The following ADAMTSL3 variants were observed in gnomAD, a reference collection of about 807,000 sequenced individuals.
The protein encoded by ADAMTSL3 is ADAMTS-like protein 3.
ADAMTSL3 carries 128 observed loss-of-function variants against 201.7 expected under a neutral mutation model. The observed-to-expected ratio is 0.63, with a 90% CI of 0.55 to 0.73. The LOEUF is 0.73. Among genes scored for constraint, ADAMTSL3 ranks in the 30% least tolerant of loss-of-function variants. ADAMTSL3 has a pLI of 0.00. For missense variants in ADAMTSL3, 1,990 were observed against 2,119.6 expected (o/e 0.94, Z 1.20); for synonymous variants, 738 against 748.4 (o/e 0.99, Z 0.23).
In ADAMTSL3 at chr15:83,870,898, G is replaced by C; in HGVS notation, c.899G>C (p.Arg300Thr). ...LVENTTVEFQ[R>T]GSERQTFKIP... is the part of the protein sequence containing the mutation. The stretch of plus-strand genomic sequence containing the variant: ...GAAAACACAACAGTGGAATTTCAGA[G>C]GGGCTCCGAGAGGCAAACTTTTAAG... The change falls in exon 9 of 30, where the codon AGG becomes ACG. Residue 300 changes from arginine to threonine, a missense_variant. By Grantham distance (71) the Arg-to-Thr change is moderately conservative (BLOSUM62 -1). Transcript: ENST00000286744. 3.1e-6 allele frequency: 5 copies of C among 1,613,472 alleles called. No homozygotes were observed. Among genetic ancestry groups the C allele is most frequent in the Non-Finnish European group, 4.2e-6 (5 of 1,179,772 alleles).
intron 1 of ADAMTSL3, 62 bp from the exon 2 acceptor site, chr15:83,655,667 G>T: frequency 1.6e-6 from 2 of 1,271,066 alleles, no homozygotes; most frequent in Non-Finnish European, 2.2e-6. Context: ...GGTCGCTTAA[G>T]TCACGGTTTA....
intron 9 of ADAMTSL3, among the ~76,000 whole-genome samples, chr15:83,882,342 C>G (rs2065289801): frequency 6.6e-6 from 1 of 152,126 alleles, no homozygotes; most frequent in African/African-American, 2.4e-5. Context: ...GTTACCATAA[C>G]CCTGCCTCTC....
chr15:83,670,688 G>T (rs1445489370), intron 2 of ADAMTSL3, among the ~76,000 whole-genome samples: 3 of 152,118 alleles, frequency 2.0e-5, no homozygotes, highest in Admixed American at 6.5e-5. Flanking sequence ...TTCACAGTGT[G>T]AAAAAATACT....
chr15:84,033,969 TC>T (rs1221165855), intron 28 of ADAMTSL3, among the ~76,000 whole-genome samples: 2 of 152,082 alleles, frequency 1.3e-5, no homozygotes, highest in African/African-American at 4.8e-5. Context: ...GGAAGAAAAT[TC>T]CTAGAGCTGG....
rs754717477 is a variant in ADAMTSL3 at position 83,942,960 on chromosome 15, C to A, written c.2368C>A (p.Leu790Ile). 4 of 1,613,858 alleles carry A rather than the reference C, an allele frequency of 2.5e-6. No homozygotes were observed. The South Asian group carries it at 4.4e-5, about 18-fold the overall frequency. ...CAGAAGAGTCACCTGTCGGCAGCTG[C>A]TAACGGATGGCAGCTTTTTGAATCT... Reference protein sequence around the residue: ...QNRRVTCRQLLTDGSFLNLSD... With the variant: ...QNRRVTCRQLITDGSFLNLSD... The change falls in exon 19 of 30, where the codon CTA (leucine) becomes ATA (isoleucine). Residue 790 changes from leucine to isoleucine, a missense_variant. Transcript: ENST00000286744.
At chr15:83,931,990 T>C (rs1404644009) in intron 17 of ADAMTSL3, among the ~76,000 whole-genome samples, 2 of 152,078 alleles carry the variant, frequency 1.3e-5, no homozygotes, top group African/African-American at 4.8e-5. Flanking sequence ...TGAAAATAAA[T>C]CCCTACATAG....
At chr15:83,670,508 T>C (rs1305817599) in intron 2 of ADAMTSL3, among the ~76,000 whole-genome samples, 1 of 150,504 alleles carries the variant, frequency 6.6e-6, no homozygotes, top group Non-Finnish European at 1.5e-5. Context: ...CACACACACA[T>C]ATGCACACGT....
intron 9 of ADAMTSL3, among the ~76,000 whole-genome samples, chr15:83,882,446 TTCTC>T (rs1272381189): frequency 6.6e-6 from 1 of 152,204 alleles, no homozygotes; most frequent in East Asian, 1.9e-4. Context: ...CTTGTTTAGA[TTCTC>T]TCATAAGCTT....
chr15:84,019,697 G>A (rs1299641538), intron 25 of ADAMTSL3, among the ~76,000 whole-genome samples: 2 of 151,934 alleles, frequency 1.3e-5, no homozygotes, highest in Non-Finnish European at 2.9e-5. Flanking sequence ...TTCGAGACCA[G>A]CCTGGCCAAC....
chr15:83,990,020 G>A (rs928265214), intron 22 of ADAMTSL3, among the ~76,000 whole-genome samples: 4 of 152,160 alleles, frequency 2.6e-5, no homozygotes, highest in African/African-American at 9.7e-5. Flanking sequence ...GCAATTGATG[G>A]TCTTTAAATA....
intron 4 of ADAMTSL3, among the ~76,000 whole-genome samples, chr15:83,778,385 A>G (rs1882482496): frequency 6.6e-6 from 1 of 152,218 alleles, no homozygotes; most frequent in Non-Finnish European, 1.5e-5. Flanking sequence ...AGGTCAGGTC[A>G]CCTACAAAGG....
intron 13 of ADAMTSL3, 123 bp from the exon 14 acceptor site, chr15:83,897,735 T>G (rs2065645681): frequency 9.0e-7 from 1 of 1,112,326 alleles, no homozygotes; most frequent in Non-Finnish European, 1.2e-6. Flanking sequence ...ACATAATATT[T>G]GTCTAAAAGT....
Position 83,956,679 on chromosome 15 carries a change from G to GCACA in ADAMTSL3, c.2490+13616_2490+13619dup, listed in dbSNP as rs34711242. 8.8e-4 allele frequency among the ~76,000 whole-genome samples: 131 copies of GCACA among 148,854 alleles called. 2 individuals are homozygous for GCACA. Among genetic ancestry groups the GCACA allele is most frequent in the South Asian group, 4.7e-3 (22 of 4,676 alleles). ...TAAGTTACACACACACACCGCACAG[G>GCACA]CACACACACACACACACACACATAA... On this transcript the variant is annotated intron_variant, in intron 19 of 29. Coordinates refer to ENST00000286744, the MANE Select transcript of ADAMTSL3 (RefSeq NM_207517.3).
At chr15:83,793,608 C>T (rs2141832230) in intron 4 of ADAMTSL3, among the ~76,000 whole-genome samples, 1 of 152,168 alleles carries the variant, frequency 6.6e-6, no homozygotes, top group Admixed American at 6.5e-5. Context: ...TCCCGAGTAG[C>T]TGGGATTACA....
At chr15:83,752,957 G>A (rs2062661591) in intron 3 of ADAMTSL3, among the ~76,000 whole-genome samples, 1 of 152,196 alleles carries the variant, frequency 6.6e-6, no homozygotes, top group South Asian at 2.1e-4. Flanking sequence ...TGACTTCACA[G>A]GCTGAGGAGT....
At chr15:83,954,651 C>A (rs1235455686) in intron 19 of ADAMTSL3, among the ~76,000 whole-genome samples, 1 of 152,188 alleles carries the variant, frequency 6.6e-6, no homozygotes, top group Non-Finnish European at 1.5e-5. Flanking sequence ...GCCTGTCCTT[C>A]TTGGGAAGCC....
intron 4 of ADAMTSL3, among the ~76,000 whole-genome samples, chr15:83,789,144 A>T (rs527848199): frequency 1.3e-5 from 2 of 152,276 alleles, no homozygotes; most frequent in Admixed American, 1.3e-4. Context: ...AACTCCCATT[A>T]TTCAGATATT....
intron 9 of ADAMTSL3, among the ~76,000 whole-genome samples, chr15:83,879,377 T>C (rs1185943438): frequency 6.6e-6 from 1 of 152,176 alleles, no homozygotes; most frequent in Non-Finnish European, 1.5e-5. Context: ...CTAAAACATG[T>C]ACATTTAAGT....
At chr15:83,870,993 T>C (rs199635621) in intron 9 of ADAMTSL3, 34 bp downstream of exon 9, 4 of 1,597,778 alleles carry the variant, frequency 2.5e-6, no homozygotes, top group Non-Finnish European at 3.4e-6. Context: ...TTCATGTACC[T>C]GAATCCCAGA....
Sources: gnomAD v4.1 joint callset for allele counts (sites outside exome capture counted in the v4.1 genomes callset) on GRCh38, gnomAD v4.1.1 for gene constraint, MANE v1.5 for transcripts, NCBI Gene and HGNC (gene_info 2026-07-23, HGNC 2026-07-21) for gene names.